GOLPH3: variants seen among roughly 807,000 people sequenced by gnomAD.
GOLPH3 encodes the protein coat protein GPP34.
GOLPH3 carries 14 observed loss-of-function variants against 28.5 expected under a neutral mutation model. That is an observed-to-expected ratio of 0.49 (90% CI 0.32 to 0.77). GOLPH3 has a LOEUF of 0.77. Ranked by LOEUF, GOLPH3 falls within the 30% of genes least tolerant of loss-of-function variation. The probability of loss-of-function intolerance (pLI) is 0.03; values close to 1 mark genes in which losing one functional copy is unlikely to be tolerated. For synonymous variants in GOLPH3, 158 were observed against 159.2 expected (o/e 0.99, Z 0.06); for missense variants, 350 against 393.7 (o/e 0.89, Z 0.94).
intron 1 of GOLPH3, among the ~76,000 whole-genome samples, chr5:32,171,151 T>A (rs942738314): frequency 6.6e-6 from 1 of 152,196 alleles, no homozygotes; most frequent in Non-Finnish European, 1.5e-5. Flanking sequence ...AAAAACAGCA[T>A]GTTAATATGC....
chr5:32,139,686 C>CT (rs750452811), intron 2 of GOLPH3, among the ~76,000 whole-genome samples: 1 of 152,080 alleles, frequency 6.6e-6, no homozygotes, highest in East Asian at 1.9e-4. Context: ...TATTTAGCTT[C>CT]TTTTTTTGGG....
chr5:32,147,711 G>T (rs1432143746), intron 1 of GOLPH3, among the ~76,000 whole-genome samples: 2 of 152,258 alleles, frequency 1.3e-5, no homozygotes, highest in Middle Eastern at 3.4e-3. Flanking sequence ...AGCTTAAAAG[G>T]CAATAGTTAT....
chr5:32,131,397 T>TAA (rs1581536971), intron 3 of GOLPH3, among the ~76,000 whole-genome samples: 1 of 152,232 alleles, frequency 6.6e-6, no homozygotes, highest in East Asian at 1.9e-4. Flanking sequence ...GACATCAGTA[T>TAA]AAGTGGGATA....
chr5:32,170,735 G>C (rs927020646), intron 1 of GOLPH3, among the ~76,000 whole-genome samples: 4 of 151,890 alleles, frequency 2.6e-5, no homozygotes, highest in Non-Finnish European at 5.9e-5. Flanking sequence ...AGGAGTTTGA[G>C]TGCAGCCTGG....
chr5:32,131,215 T>C (rs1443084859), intron 3 of GOLPH3, among the ~76,000 whole-genome samples: 1 of 152,210 alleles, frequency 6.6e-6, no homozygotes, highest in Non-Finnish European at 1.5e-5. Flanking sequence ...AGGCTAAAAC[T>C]GTGAGGAAAT....
rs157490 is a variant in GOLPH3 at position 32,127,403 on chromosome 5, T to C, written c.473-767A>G. On this transcript the variant is annotated intron_variant, in intron 3 of 3. Transcript: ENST00000265070. ...TTAAAAAAACTATATTTTTCTAAAT[T>C]AGAATATGTTAAAGATCAACCACAG... Among the ~76,000 whole-genome samples, 301 of 152,360 alleles carry C rather than the reference T, an allele frequency of 2.0e-3. 10 individuals carry two copies. The East Asian group carries it at 0.048, about 24-fold the overall frequency.
chr5:32,126,773 C>G, intron 3 of GOLPH3, 137 bp from the exon 4 acceptor site: 1 of 690,860 alleles, frequency 1.4e-6, no homozygotes, highest in Middle Eastern at 4.1e-4. Flanking sequence ...TTCTCCCTAA[C>G]TAGACCATGA....
intron 3 of GOLPH3, among the ~76,000 whole-genome samples, chr5:32,130,031 T>TG (rs963978293): frequency 6.6e-6 from 1 of 152,012 alleles, no homozygotes; most frequent in African/African-American, 2.4e-5. Flanking sequence ...TTAGTAGAGA[T>TG]GGGGTTTCAC....
chr5:32,125,078 T>C lies in GOLPH3; in HGVS notation c.*1134A>G, dbSNP rs1287223483. On this transcript the variant is annotated 3_prime_UTR_variant, in exon 4 of 4. Coordinates refer to ENST00000265070, the MANE Select transcript of GOLPH3 (RefSeq NM_022130.4). ...TATAAAAAATTAAAACATAGAGCTT[T>C]CTGTTACAAAATTCTTAATCCTCTG... 6.6e-6 allele frequency: 1 copy of C among 152,658 alleles called. No individual in the cohort carries two copies. Among genetic ancestry groups the C allele is most frequent in the African/African-American group, 2.4e-5 (1 of 41,468 alleles). 9.5% of individuals were successfully genotyped at this position (152,658 alleles called of 1,614,324 possible).
chr5:32,158,518 T>C (rs1379256062), intron 1 of GOLPH3, among the ~76,000 whole-genome samples: 2 of 152,138 alleles, frequency 1.3e-5, no homozygotes, highest in African/African-American at 4.8e-5. Flanking sequence ...GGACCAACCC[T>C]GCCCTATCTC....
chr5:32,148,651 G>C (rs1412121636), intron 1 of GOLPH3, among the ~76,000 whole-genome samples: 1 of 152,168 alleles, frequency 6.6e-6, no homozygotes, highest in Non-Finnish European at 1.5e-5. Flanking sequence ...TAAAAAATTA[G>C]CTGGGCGTGG....
In GOLPH3 at chr5:32,173,921, G is replaced by A. The variant is rs776765268; in HGVS notation, c.114C>T (p.Asp38=). 10 of 1,501,732 alleles carry A rather than the reference G, an allele frequency of 6.7e-6. No homozygotes were observed. Among genetic ancestry groups the A allele is most frequent in the Middle Eastern group, 1.8e-4 (1 of 5,460 alleles). The allele number at this position is 1,501,732 out of a possible 1,614,324, so 93.0% of individuals were successfully genotyped here. A position where few individuals can be genotyped will look rare whatever the true frequency, so the allele number is the denominator to read the frequency against. Residue 38 remains aspartate, a synonymous_variant, in exon 1 of 4, where the codon GAC becomes GAT. Transcript: ENST00000265070. ...AAGGGAGSSE[D]DAQSRRDEQD... ...GCTCGTCGCGGCGGCTCTGCGCGTC[G>A]TCCTCGCTGCTGCCGGCGCCGCCGC...
chr5:32,142,372 C>T (rs1397964766), intron 2 of GOLPH3, among the ~76,000 whole-genome samples: 70 of 151,000 alleles, frequency 4.6e-4, no homozygotes, highest in African/African-American at 1.5e-3. Flanking sequence ...GCCCGGCAGC[C>T]GCCCCGTCTG....
chr5:32,135,746 T>C (rs889454556), intron 2 of GOLPH3, 60 bp from the exon 3 acceptor site: 1 of 958,136 alleles, frequency 1.0e-6, no homozygotes, highest in Non-Finnish European at 1.7e-6. Flanking sequence ...GTTGATCTCA[T>C]TAAATGAAAA....
At chr5:32,170,110 T>C (rs1222160964) in intron 1 of GOLPH3, among the ~76,000 whole-genome samples, 3 of 152,180 alleles carry the variant, frequency 2.0e-5, no homozygotes, top group African/African-American at 2.4e-5. Flanking sequence ...ATTTTTTAAA[T>C]ATTATAGATT....
In GOLPH3 at chr5:32,126,604, G is replaced by A; in HGVS notation, c.505C>T (p.Gln169Ter). 1 of 1,613,218 alleles carries A rather than the reference G, an allele frequency of 6.2e-7. No homozygotes were observed. Among genetic ancestry groups the A allele is most frequent in the Non-Finnish European group, 8.5e-7 (1 of 1,179,604 alleles). Residue 169 changes from glutamine (Q) to a stop codon, truncating the protein, a stop_gained, in exon 4 of 4, where the codon CAG becomes TAG. Coordinates refer to ENST00000265070, the MANE Select transcript of GOLPH3 (RefSeq NM_022130.4). LOFTEE classifies it high-confidence loss of function. Reference protein sequence around the residue: ...ETWNPLKLHYQLRNVRERLAK... With the variant: ...ETWNPLKLHY ...AATCGTTCCCGTACATTTCTTAACT[G>A]ATAATGCAATTTTAATGGATTCCAT... is the stretch of plus-strand genomic sequence containing the variant.
chr5:32,134,408 C>T (rs1745888383), intron 3 of GOLPH3, among the ~76,000 whole-genome samples: 1 of 151,736 alleles, frequency 6.6e-6, no homozygotes, highest in South Asian at 2.1e-4. Context: ...AGGGTTTCAC[C>T]AGGTTGCCCA....
At chr5:32,154,411 G>A (rs563804658) in intron 1 of GOLPH3, among the ~76,000 whole-genome samples, 102 of 152,314 alleles carry the variant, frequency 6.7e-4, no homozygotes, top group African/African-American at 2.4e-3. Flanking sequence ...TAATTCCAAT[G>A]TAGTAGTGAG....
At chr5:32,135,529 T>G (rs756122315) in intron 3 of GOLPH3, 43 bp downstream of exon 3, 2 of 1,203,102 alleles carry the variant, frequency 1.7e-6, no homozygotes, top group South Asian at 2.5e-5. Context: ...CTTCGCAATC[T>G]TTTAAACAGA....
Sources: allele counts gnomAD v4.1 joint callset (sites outside exome capture counted in the v4.1 genomes callset), GRCh38; gene constraint gnomAD v4.1.1; transcripts MANE v1.5; gene names NCBI Gene and HGNC (gene_info 2026-07-23, HGNC 2026-07-21).